TFR2: variants seen among roughly 807,000 people sequenced by gnomAD.
The protein encoded by TFR2 is transferrin receptor 2, also known as transferrin receptor protein 2.
A neutral mutation model predicts 91.9 loss-of-function variants in TFR2; 64 were observed. The ratio of observed to expected loss-of-function variants is 0.70; its 90% CI spans 0.57 to 0.86. TFR2 has a LOEUF of 0.86. TFR2 is among the 40% of genes least tolerant of loss of function. The pLI is 0.00. For synonymous variants in TFR2, 454 were observed against 459.6 expected, an observed-to-expected ratio of 0.99 and a Z score of 0.15; for missense variants, 950 against 1,080.5, an observed-to-expected ratio of 0.88 and a Z score of 1.69.
chr7:100,621,917 C>A (rs1365764627), intron 17 of TFR2, among the ~76,000 whole-genome samples: 1 of 152,148 alleles, frequency 6.6e-6, no homozygotes, highest in Admixed American at 6.6e-5. Flanking sequence ...TCTGCTTCCA[C>A]CCGTGGGCAG....
chr7:100,625,066 T>C (rs935575559), intron 17 of TFR2, among the ~76,000 whole-genome samples: 17 of 148,172 alleles, frequency 1.1e-4, no homozygotes, highest in African/African-American at 4.0e-4. Flanking sequence ...TTTCTTTTTT[T>C]TTTTTTTTTT....
At chr7:100,630,851 C>T (rs1487367426) in intron 9 of TFR2, 38 bp downstream of exon 9, 2 of 1,611,242 alleles carry the variant, frequency 1.2e-6, no homozygotes, top group East Asian at 2.2e-5. Context: ...TCCCCCAGCC[C>T]ACCACCAGCT....
At chr7:100,637,351 A>G (rs1803593813) in intron 3 of TFR2, among the ~76,000 whole-genome samples, 1 of 151,908 alleles carries the variant, frequency 6.6e-6, no homozygotes, top group Admixed American at 6.6e-5. Flanking sequence ...GTGAGCCAAG[A>G]TCGTGCCATT....
chr7:100,624,883 A>C (rs1272178204), intron 17 of TFR2, among the ~76,000 whole-genome samples: 1 of 151,234 alleles, frequency 6.6e-6, no homozygotes. Context: ...AAAAAAAAAA[A>C]CAAAAAAACA....
chr7:100,624,620 C>T (rs541608818), intron 17 of TFR2, among the ~76,000 whole-genome samples: 44 of 152,270 alleles, frequency 2.9e-4, no homozygotes, highest in African/African-American at 1.0e-3. Flanking sequence ...AATCCCAGCA[C>T]CTTGGGAAGC....
intron 17 of TFR2, among the ~76,000 whole-genome samples, chr7:100,623,615 C>T (rs1485774399): frequency 1.3e-5 from 2 of 151,850 alleles, no homozygotes; most frequent in South Asian, 2.1e-4. Context: ...CTCATCTCTA[C>T]AAAAATAAAA....
At chr7:100,624,302 C>G (rs1452545815) in intron 17 of TFR2, among the ~76,000 whole-genome samples, 1 of 152,182 alleles carries the variant, frequency 6.6e-6, no homozygotes, top group Admixed American at 6.6e-5. Flanking sequence ...TAAAACCAGA[C>G]TGATTTCACT....
Position 100,641,087 on chromosome 7 carries a change from G to A in TFR2, c.175C>T (p.Pro59Ser). Residue 59 changes from proline to serine, a missense_variant, in exon 2 of 18, where the codon CCT becomes TCT. Transcript: ENST00000223051. Reference sequence around the variant, plus strand: ...CTGGGTCTAGAGCCCAGGGGCTCAGGGCCCCTCAGCTCCATGGGGCAGAAG... The same window carrying A: ...CTGGGTCTAGAGCCCAGGGGCTCAGAGCCCCTCAGCTCCATGGGGCAGAAG... ...AHFCPMELRG[P>S]EPLGSRPRQP... is the part of the protein sequence containing the mutation. 6.2e-7 allele frequency: 1 copy of A among 1,600,360 alleles called. No homozygotes were observed. Among genetic ancestry groups the A allele is most frequent in the Non-Finnish European group, 8.5e-7 (1 of 1,172,702 alleles).
At chr7:100,633,906 C>T (rs1803522144) in intron 3 of TFR2, among the ~76,000 whole-genome samples, 1 of 151,680 alleles carries the variant, frequency 6.6e-6, no homozygotes, top group Non-Finnish European at 1.5e-5. Flanking sequence ...ACGGGTTTCA[C>T]CATGTTGACC....
At chr7:100,625,873 C>T (rs893585158) in intron 17 of TFR2, among the ~76,000 whole-genome samples, 1 of 151,942 alleles carries the variant, frequency 6.6e-6, no homozygotes, top group African/African-American at 2.4e-5. Context: ...CAAGGGAGAA[C>T]GAGCAAGAGC....
In TFR2 at chr7:100,641,026, C is replaced by T. The variant is rs925346404; in HGVS notation, c.236G>A (p.Arg79Gln). Reference protein sequence around the residue: ...PNLIPWAAAGRRAAPYLVLTA... With the variant: ...PNLIPWAAAGQRAAPYLVLTA... ...CAGGACCAGGTAGGGGGCAGCCCTC[C>T]GTCCTGCTGCCGCCCAGGGAATGAG... The change falls in exon 2 of 18, where the codon CGG (arginine) becomes CAG (glutamine). Residue 79 changes from arginine (R) to glutamine (Q), a missense_variant. By Grantham distance (43) the Arg-to-Gln change is conservative. Coordinates refer to ENST00000223051, the MANE Select transcript of TFR2 (RefSeq NM_003227.4). 3.7e-6 allele frequency: 6 copies of T among 1,601,612 alleles called. No homozygotes were observed. The highest frequency in any genetic ancestry group is 2.2e-5 in the South Asian group (2 of 89,644).
At chr7:100,622,207 C>T (rs1803130469) in intron 17 of TFR2, among the ~76,000 whole-genome samples, 2 of 152,152 alleles carry the variant, frequency 1.3e-5, no homozygotes, top group Admixed American at 1.3e-4. Flanking sequence ...CAGATGCTCA[C>T]ATCTTTTTAA....
Position 100,631,957 on chromosome 7 carries a change from G to A in TFR2, c.967-12C>T, listed in dbSNP as rs1181020710. 5 of 1,613,932 alleles carry A rather than the reference G, an allele frequency of 3.1e-6. No individual in the cohort carries two copies. In the African/African-American group the frequency reaches 6.7e-5, roughly 22 times the overall value. On this transcript the variant is annotated splice_polypyrimidine_tract_variant and intron_variant, in intron 7 of 17. Transcript: ENST00000223051. The stretch of plus-strand genomic sequence containing the variant: ...GTTCCCAGGTGCACCTGCAGGGAAA[G>A]GGGTGCCCACGCAAAGCTGCGAGCT...
At chr7:100,631,454 C>T (rs1370653077) in intron 8 of TFR2, 1 of 282,372 alleles carries the variant, frequency 3.5e-6, no homozygotes, top group Non-Finnish European at 6.9e-6. Flanking sequence ...TGGTGAAACC[C>T]TCTACTAAAA....
chr7:100,639,353 G>A (rs760437390), intron 3 of TFR2, among the ~76,000 whole-genome samples: 48 of 152,184 alleles, frequency 3.2e-4, no homozygotes, highest in Non-Finnish European at 5.4e-4. Flanking sequence ...GGTGATAAGA[G>A]GGAGACTCCG....
Position 100,640,981 on chromosome 7 carries a change from G to A in TFR2, c.281C>T (p.Thr94Ile). ...YLVLTALLIF[T>I]GAFLLGYVAF... ...GGGAGGGGGACGGCTCTCACCCCCA[G>A]TGAAGATCAGCAGGGCCGTCAGGAC... The change falls in exon 2 of 18, where the codon ACT becomes ATT. Residue 94 changes from threonine to isoleucine, a missense_variant. Thr to Ile is a moderately conservative substitution (Grantham distance 89). Coordinates refer to ENST00000223051, the MANE Select transcript of TFR2 (RefSeq NM_003227.4). 6.2e-7 allele frequency: 1 copy of A among 1,610,114 alleles called. No individual in the cohort carries two copies. The highest frequency in any genetic ancestry group is 8.5e-7 in the Non-Finnish European group (1 of 1,177,280).
chr7:100,630,502 C>G (rs1158745752), intron 9 of TFR2, among the ~76,000 whole-genome samples: 1 of 152,122 alleles, frequency 6.6e-6, no homozygotes, highest in East Asian at 1.9e-4. Context: ...GTTAGCCAAG[C>G]TGGTCTCAAA....
chr7:100,637,795 A>G (rs1366852009), intron 3 of TFR2, among the ~76,000 whole-genome samples: 1 of 151,506 alleles, frequency 6.6e-6, no homozygotes, highest in Non-Finnish European at 1.5e-5. Flanking sequence ...CCTAGGTGAC[A>G]GAGCAAGGCC....
rs371316105 is a variant in TFR2 at position 100,627,558 on chromosome 7, C to T, written c.1767+19G>A. On this transcript the variant is annotated intron_variant, in intron 15 of 17. Transcript: ENST00000223051. ...TGAAGGACTAGCGCTGTGTCTGGGG[C>T]AGGGGGAGGACGTCTCACCTCCATA... The T allele has an allele frequency of 3.9e-5, 63 of 1,613,960 alleles. No individual in the cohort carries two copies. Among genetic ancestry groups the T allele is most frequent in the Non-Finnish European group, 4.8e-5 (57 of 1,179,962 alleles).
Sources: gnomAD v4.1 joint callset for allele counts (sites outside exome capture counted in the v4.1 genomes callset) on GRCh38, gnomAD v4.1.1 for gene constraint, MANE v1.5 for transcripts, NCBI Gene and HGNC (gene_info 2026-07-23, HGNC 2026-07-21) for gene names.